EPM2A: variants seen among roughly 807,000 people sequenced by gnomAD.
EPM2A encodes the protein EPM2A glucan phosphatase, laforin.
EPM2A carries 21 observed loss-of-function variants against 26.5 expected under a neutral mutation model. The observed-to-expected ratio is 0.79, with a 90% confidence interval of 0.56 to 1.14. The LOEUF (loss-of-function observed/expected upper bound fraction) is 1.14, where lower values mean the gene tolerates loss of function less well. EPM2A is among the 50% of genes most tolerant of loss of function. The probability of loss-of-function intolerance (pLI) is 0.00; values close to 1 mark genes in which losing one functional copy is unlikely to be tolerated. For synonymous variants in EPM2A, 217 were observed against 177.6 expected (o/e 1.22, Z -1.76); for missense variants, 458 against 440.8 (o/e 1.04, Z -0.35).
chr6:145,390,263 G>A (rs140347860), intron 4 of EPM2A, among the ~76,000 whole-genome samples: 162 of 151,950 alleles, frequency 1.1e-3, no homozygotes, highest in African/African-American at 3.7e-3. Context: ...GCCACACAAT[G>A]GAGACTAATC....
chr6:145,717,581 C>T lies in EPM2A; in HGVS notation c.301+17617G>A, dbSNP rs956644481. On this transcript the variant is annotated intron_variant, in intron 1 of 3. Coordinates refer to ENST00000367519, the MANE Select transcript of EPM2A (RefSeq NM_005670.4). Reference sequence around the variant, plus strand: ...ACAAGACAGGGATGCCCTCTCTCACCGCTCCTATTCAACATAGTGTTGGAA... The same window carrying T: ...ACAAGACAGGGATGCCCTCTCTCACTGCTCCTATTCAACATAGTGTTGGAA... Among the ~76,000 whole-genome samples the T allele has an allele frequency of 4.6e-5, 7 of 152,170 alleles. No individual in the cohort carries two copies. In the South Asian group the frequency reaches 6.2e-4, roughly 14 times the overall value.
chr6:145,481,144 A>C (rs539424965), intron 4 of EPM2A, among the ~76,000 whole-genome samples: 5 of 152,262 alleles, frequency 3.3e-5, no homozygotes, highest in African/African-American at 7.2e-5. Flanking sequence ...CAGAAAAAAA[A>C]CAACTGCCCT....
intron 4 of EPM2A, among the ~76,000 whole-genome samples, chr6:145,437,929 T>C (rs1332803757): frequency 6.6e-6 from 1 of 152,232 alleles, no homozygotes; most frequent in Non-Finnish European, 1.5e-5. Context: ...AAAAAATTAA[T>C]ATGCTAGAAA....
At chr6:145,461,960 C>T (rs1779332752) in intron 4 of EPM2A, among the ~76,000 whole-genome samples, 1 of 152,288 alleles carries the variant, frequency 6.6e-6, no homozygotes, top group South Asian at 2.1e-4. Context: ...CCACATATCA[C>T]AGTATGCAAA....
At chr6:145,414,338 G>C (rs1010361543) in intron 4 of EPM2A, among the ~76,000 whole-genome samples, 1 of 151,708 alleles carries the variant, frequency 6.6e-6, no homozygotes, top group African/African-American at 2.4e-5. Context: ...TCTTGATGCC[G>C]GTTGGTCTCT....
intron 3 of EPM2A, chr6:145,634,480 T>G (rs1438780388): frequency 6.6e-6 from 1 of 152,582 alleles, no homozygotes; most frequent in Non-Finnish European, 1.5e-5. Flanking sequence ...ATAACCCTCC[T>G]CCAGCACGGT....
intron 1 of EPM2A, among the ~76,000 whole-genome samples, chr6:145,722,108 A>C (rs1775977203): frequency 6.6e-6 from 1 of 152,232 alleles, no homozygotes; most frequent in Admixed American, 6.5e-5. Flanking sequence ...ATAGAATGAG[A>C]AACTGTAGCA....
chr6:145,451,216 T>A (rs1315921143), intron 4 of EPM2A, among the ~76,000 whole-genome samples: 1 of 152,234 alleles, frequency 6.6e-6, no homozygotes, highest in Non-Finnish European at 1.5e-5. Context: ...TTACTGCACA[T>A]GATTTTTGAA....
At chr6:145,420,205 A>G (rs940573583) in intron 4 of EPM2A, among the ~76,000 whole-genome samples, 8 of 152,126 alleles carry the variant, frequency 5.3e-5, no homozygotes, top group African/African-American at 1.9e-4. Flanking sequence ...ATTCAAGCCA[A>G]TAATATTTAA....
At chr6:145,681,189 T>G (rs1471626802) in intron 2 of EPM2A, among the ~76,000 whole-genome samples, 2 of 149,888 alleles carry the variant, frequency 1.3e-5, no homozygotes, top group Admixed American at 1.3e-4. Context: ...ATAAATGTCT[T>G]CTTTTGAGAA....
chr6:145,668,748 T>C (rs1230254273), intron 2 of EPM2A, among the ~76,000 whole-genome samples: 1 of 152,178 alleles, frequency 6.6e-6, no homozygotes, highest in Non-Finnish European at 1.5e-5. Context: ...AGATGACTTT[T>C]CCCTCATAGT....
At chr6:145,567,064 C>T (rs1269674321) in intron 2 of EPM2A, among the ~76,000 whole-genome samples, 1 of 152,192 alleles carries the variant, frequency 6.6e-6, no homozygotes, top group African/African-American at 2.4e-5. Flanking sequence ...AGGCCCCATC[C>T]TATTGAGTCT....
At chr6:145,452,098 G>T (rs1316771446) in intron 4 of EPM2A, among the ~76,000 whole-genome samples, 1 of 152,038 alleles carries the variant, frequency 6.6e-6, no homozygotes, top group Admixed American at 6.5e-5. Context: ...CTTAACAGTT[G>T]CCTGCCAGGC....
At chr6:145,623,170 C>G (rs1775673673), downstream of EPM2A, among the ~76,000 whole-genome samples, 1 of 152,146 alleles carries the variant, frequency 6.6e-6, no homozygotes, top group Non-Finnish European at 1.5e-5. Context: ...CCGAACAAAA[C>G]AAAACAGATA....
Position 145,524,661 on chromosome 6 carries a change from G to A in EPM2A, c.341-22086C>T, listed in dbSNP as rs184987194. ...CTTGTTAAGTTCCTTATAGATTCTCGAAATGAGATCTTTTTCAGATGCACA... is the reference window on the plus strand; with the variant it reads ...CTTGTTAAGTTCCTTATAGATTCTCAAAATGAGATCTTTTTCAGATGCACA... On this transcript the variant is annotated intron_variant, in intron 2 of 3. Coordinates refer to the EPM2A transcript ENST00000450221. Among the ~76,000 whole-genome samples, 345 of 151,950 alleles carry A rather than the reference G, an allele frequency of 2.3e-3. 2 individuals carry two copies. The highest frequency in any genetic ancestry group is 7.9e-3 in the African/African-American group (326 of 41,460).
intron 1 of EPM2A, among the ~76,000 whole-genome samples, chr6:145,704,013 G>A (rs961614579): frequency 1.3e-5 from 2 of 152,132 alleles, no homozygotes; most frequent in African/African-American, 4.8e-5. Flanking sequence ...TTGTCATAAA[G>A]AACCAATAGC....
intron 1 of EPM2A, among the ~76,000 whole-genome samples, chr6:145,729,369 C>T (rs1409173152): frequency 1.3e-5 from 2 of 152,232 alleles, no homozygotes; most frequent in African/African-American, 4.8e-5. Context: ...GCCACAGACA[C>T]TCAATACCAG....
chr6:145,686,419 AT>A, intron 1 of EPM2A, 123 bp from the exon 2 acceptor site: 1 of 758,592 alleles, frequency 1.3e-6, no homozygotes, highest in Middle Eastern at 3.1e-4. Context: ...TAATCTACAC[AT>A]TTCAGTATAA....
rs115882517 is a variant in EPM2A, at chr6:145,418,934, C to T, written c.556-34837G>A. 5.9e-3 allele frequency among the ~76,000 whole-genome samples: 895 copies of T among 152,216 alleles called. 6 individuals are homozygous for T. Among genetic ancestry groups the T allele is most frequent in the African/African-American group, 0.021 (861 of 41,520 alleles). On this transcript the variant is annotated intron_variant, in intron 4 of 4. Coordinates refer to the EPM2A transcript ENST00000638717. ...CGTTTACCAAAGTCTGTTTATATTCCTTGGAAAATCAAAGAAGTCTAACTG... is the reference window on the plus strand; with the variant it reads ...CGTTTACCAAAGTCTGTTTATATTCTTTGGAAAATCAAAGAAGTCTAACTG...
Sources: gnomAD v4.1 joint callset for allele counts (sites outside exome capture counted in the v4.1 genomes callset) on GRCh38, gnomAD v4.1.1 for gene constraint, MANE v1.5 for transcripts, NCBI Gene and HGNC (gene_info 2026-07-23, HGNC 2026-07-21) for gene names.